The following ZFHX3 variants were observed in gnomAD, a reference collection of about 807,000 sequenced individuals.
ZFHX3 encodes the protein zinc finger homeobox 3.
In ZFHX3, 42 loss-of-function variants were observed where a neutral mutation model predicts 279.1. The observed-to-expected ratio is 0.15, with a 90% confidence interval of 0.12 to 0.19. ZFHX3 has a LOEUF of 0.19. Ranked by LOEUF, ZFHX3 falls within the 10% of genes least tolerant of loss-of-function variation. The pLI is 1.00. For missense variants in ZFHX3, 4,981 were observed against 4,754.0 expected, an observed-to-expected ratio of 1.05 and a Z score of -1.40; for synonymous variants, 2,293 against 1,957.8, an observed-to-expected ratio of 1.17 and a Z score of -4.52.
chr16:73,737,376 C>A (rs1301924662), intron 1 of ZFHX3, among the ~76,000 whole-genome samples: 1 of 152,082 alleles, frequency 6.6e-6, no homozygotes, highest in East Asian at 1.9e-4. Context: ...TTGACAAACC[C>A]AAAACAGAAC....
chr16:72,958,626 G>A lies in ZFHX3; in HGVS notation c.1520C>T (p.Pro507Leu), dbSNP rs1961384706. The stretch of plus-strand genomic sequence containing the variant: ...TGCTGCGGCCCCAGGCTCCTCATGG[G>A]GCCTGTCCTCCAGTTCCTCATCCAA... ...SELDEELEDR[P>L]HEEPGAAAGS... The change falls in exon 2 of 10, where the codon CCC (proline) becomes CTC (leucine). Residue 507 changes from proline to leucine, a missense_variant. Coordinates refer to ENST00000268489, the MANE Select transcript of ZFHX3 (RefSeq NM_006885.4). The A allele has an allele frequency of 6.2e-7, 1 of 1,613,990 alleles. No homozygotes were observed. The highest frequency in any genetic ancestry group is 2.2e-5 in the East Asian group (1 of 44,860).
At chr16:73,830,550 C>A (rs1960967959) in intron 1 of ZFHX3, among the ~76,000 whole-genome samples, 1 of 152,114 alleles carries the variant, frequency 6.6e-6, no homozygotes, top group Non-Finnish European at 1.5e-5. Flanking sequence ...CCCACACAAA[C>A]CCATTTGTGT....
At chr16:73,210,142 T>C (rs773579899) in intron 5 of ZFHX3, among the ~76,000 whole-genome samples, 2 of 152,214 alleles carry the variant, frequency 1.3e-5, no homozygotes, top group African/African-American at 4.8e-5. Flanking sequence ...TCAGTTAAGG[T>C]GCTTGATAAA....
chr16:73,494,383 G>A (rs750062839), intron 2 of ZFHX3, among the ~76,000 whole-genome samples: 2 of 152,118 alleles, frequency 1.3e-5, no homozygotes, highest in African/African-American at 2.4e-5. Flanking sequence ...ATCCATTTGT[G>A]CATAAACACT....
chr16:73,227,159 T>G (rs753288168), intron 5 of ZFHX3, among the ~76,000 whole-genome samples: 7 of 152,120 alleles, frequency 4.6e-5, no homozygotes, highest in Non-Finnish European at 8.8e-5. Context: ...ATCTCATAAT[T>G]GGAGTTAAAT....
intron 6 of ZFHX3, among the ~76,000 whole-genome samples, chr16:73,134,807 A>C (rs1286441698): frequency 6.6e-6 from 1 of 152,132 alleles, no homozygotes; most frequent in East Asian, 1.9e-4. Flanking sequence ...AATAAAATGT[A>C]AGAGGAGGTG....
chr16:73,000,202 C>T (rs1963442633), intron 1 of ZFHX3, among the ~76,000 whole-genome samples: 1 of 152,176 alleles, frequency 6.6e-6, no homozygotes, highest in African/African-American at 2.4e-5. Context: ...TCCTCCCATC[C>T]CCCAGGGTCC....
chr16:72,926,500 T>C (rs1277179690), intron 3 of ZFHX3, among the ~76,000 whole-genome samples: 4 of 152,224 alleles, frequency 2.6e-5, no homozygotes, highest in Non-Finnish European at 4.4e-5. Flanking sequence ...AAGTTACCAG[T>C]CCTTTCTCAA....
At chr16:73,627,521 C>T (rs2052428843) in intron 2 of ZFHX3, among the ~76,000 whole-genome samples, 1 of 152,210 alleles carries the variant, frequency 6.6e-6, no homozygotes, top group African/African-American at 2.4e-5. Flanking sequence ...ATGATTTGAA[C>T]TCTTTTGAAT....
At chr16:73,800,274 G>C (rs1483484820) in intron 1 of ZFHX3, among the ~76,000 whole-genome samples, 2 of 151,724 alleles carry the variant, frequency 1.3e-5, no homozygotes, top group Non-Finnish European at 2.9e-5. Context: ...CTGGAGCACA[G>C]TGACGCAATT....
At chr16:73,431,981 C>T (rs1758210082) in intron 3 of ZFHX3, among the ~76,000 whole-genome samples, 1 of 152,086 alleles carries the variant, frequency 6.6e-6, no homozygotes, top group Non-Finnish European at 1.5e-5. Flanking sequence ...ATGAAGGCAG[C>T]GTGTTGCTCT....
chr16:73,788,430 G>A (rs1488746895), intron 1 of ZFHX3, among the ~76,000 whole-genome samples: 5 of 152,268 alleles, frequency 3.3e-5, no homozygotes, highest in East Asian at 1.9e-4. Context: ...AGAAGTGATC[G>A]TGTCAGGGTT....
chr16:73,530,491 A>G (rs1055757273), intron 2 of ZFHX3, among the ~76,000 whole-genome samples: 2 of 152,210 alleles, frequency 1.3e-5, no homozygotes, highest in East Asian at 3.9e-4. Flanking sequence ...CAATAGTTAC[A>G]AAAGTTACAA....
intron 4 of ZFHX3, among the ~76,000 whole-genome samples, chr16:73,259,538 C>T (rs972717314): frequency 3.3e-5 from 5 of 152,108 alleles, no homozygotes; most frequent in Non-Finnish European, 2.9e-5. Context: ...GTGTAATATA[C>T]GAATGCATTT....
At chr16:73,116,482 A>C (rs1050497235) in intron 7 of ZFHX3, among the ~76,000 whole-genome samples, 1 of 152,124 alleles carries the variant, frequency 6.6e-6, no homozygotes, top group Non-Finnish European at 1.5e-5. Flanking sequence ...GTGGCTGGGG[A>C]GGGTGCCAGA....
At chr16:73,714,198 T>C (rs1250463266) in intron 1 of ZFHX3, among the ~76,000 whole-genome samples, 1 of 152,172 alleles carries the variant, frequency 6.6e-6, no homozygotes, top group East Asian at 1.9e-4. Context: ...TTGGTAATTT[T>C]CATACGCTAT....
chr16:73,845,643 G>A (rs1430627161), intron 1 of ZFHX3, among the ~76,000 whole-genome samples: 6 of 152,028 alleles, frequency 3.9e-5, no homozygotes, highest in Non-Finnish European at 7.3e-5. Context: ...TGTGTCACTC[G>A]ATTGAGTCTT....
intron 1 of ZFHX3, chr16:73,794,212 C>G (rs1024317030): frequency 6.6e-6 from 1 of 152,212 alleles, no homozygotes; most frequent in Non-Finnish European, 1.5e-5. Context: ...CTCCCTCGGT[C>G]ACCACAAGCT....
chr16:72,812,397 A>G (rs1213438899), intron 5 of ZFHX3, among the ~76,000 whole-genome samples: 1 of 152,136 alleles, frequency 6.6e-6, no homozygotes, highest in African/African-American at 2.4e-5. Flanking sequence ...GGTGGGTGGG[A>G]AAGTCTCACC....
Sources: allele counts gnomAD v4.1 joint callset (sites outside exome capture counted in the v4.1 genomes callset), GRCh38; gene constraint gnomAD v4.1.1; transcripts MANE v1.5; gene names NCBI Gene and HGNC (gene_info 2026-07-23, HGNC 2026-07-21).